Variants in PPEF1 observed in about 807,000 individuals in gnomAD.
PPEF1 encodes the protein serine/threonine-protein phosphatase with EF-hands 1.
In PPEF1, 12 loss-of-function variants were observed where a neutral mutation model predicts 53.3. The observed-to-expected ratio is 0.23, with a 90% CI of 0.14 to 0.36. PPEF1 has a LOEUF of 0.36. PPEF1 is among the 10% of genes least tolerant of loss of function. The pLI, the probability that PPEF1 is intolerant of heterozygous loss-of-function variation, is 1.00. For missense variants in PPEF1, 334 were observed against 490.4 expected (o/e 0.68, Z 3.01); for synonymous variants, 165 against 176.7 (o/e 0.93, Z 0.52).
At chrX:18,814,604 C>T (rs12010607) in intron 12 of PPEF1, among the ~76,000 whole-genome samples, 3,630 of 111,901 alleles carry the variant, frequency 0.032, 147 homozygotes, top group African/African-American at 0.11. Flanking sequence ...TGATGTTGAG[C>T]ATTTTTTCAT....
At chrX:18,745,791 A>T (rs912430117) in intron 3 of PPEF1, among the ~76,000 whole-genome samples, 14 of 112,390 alleles carry the variant, frequency 1.2e-4, no homozygotes, top group Non-Finnish European at 2.4e-4. Flanking sequence ...TCAGGAACAG[A>T]TGTTAAATTT....
At chrX:18,798,632 CT>C (rs765201486) in intron 10 of PPEF1, among the ~76,000 whole-genome samples, 2 of 108,940 alleles carry the variant, frequency 1.8e-5, no homozygotes, top group Non-Finnish European at 3.8e-5. Context: ...CTGAGCACGG[CT>C]TTTTTTTTGA....
intron 5 of PPEF1, among the ~76,000 whole-genome samples, chrX:18,759,846 G>A (rs112923268): frequency 0.02 from 2,254 of 111,554 alleles, 56 homozygotes; most frequent in African/African-American, 0.07. Flanking sequence ...GCAAACTGAG[G>A]GAAAAGTATT....
intron 12 of PPEF1, among the ~76,000 whole-genome samples, chrX:18,810,859 G>A (rs2046791208): frequency 8.9e-6 from 1 of 111,877 alleles, no homozygotes; most frequent in Non-Finnish European, 1.9e-5. Flanking sequence ...GTTTTTGTGT[G>A]TACATGTTTC....
chrX:18,678,352 C>T (rs1259589640), upstream of PPEF1, among the ~76,000 whole-genome samples: 1 of 110,110 alleles, frequency 9.1e-6, no homozygotes, highest in African/African-American at 3.3e-5. Flanking sequence ...GGGAGGATCC[C>T]TTGAGCCTGG....
At chrX:18,733,323 G>A in intron 2 of PPEF1, among the ~76,000 whole-genome samples, 1 of 112,093 alleles carries the variant, frequency 8.9e-6, no homozygotes, top group Non-Finnish European at 1.9e-5. Context: ...TTGAGGGTGT[G>A]TTTTCAGGGA....
exon 1 of PPEF1, chrX:18,675,958 G>GC (rs1270625915): frequency 3.2e-5 from 2 of 61,691 alleles, no homozygotes; most frequent in African/African-American, 6.3e-5. Flanking sequence ...CATTTGGGCG[G>GC]GGGGGGGGGG....
intron 3 of PPEF1, among the ~76,000 whole-genome samples, chrX:18,742,651 G>A (rs745419743): frequency 4.0e-4 from 44 of 110,972 alleles, no homozygotes; most frequent in Non-Finnish European, 7.5e-4. Context: ...TTGAGATCAG[G>A]AGTTCAAGAC....
At chrX:18,691,778 A>G (rs1447371190) in intron 4 of PPEF1, among the ~76,000 whole-genome samples, 3 of 112,130 alleles carry the variant, frequency 2.7e-5, no homozygotes, top group Non-Finnish European at 5.6e-5. Flanking sequence ...TGATAAGCCT[A>G]TTTGGAATTC....
At chrX:18,809,091 ATATCTATC>A (rs58192421) in intron 12 of PPEF1, among the ~76,000 whole-genome samples, 4,371 of 96,750 alleles carry the variant, frequency 0.045, 259 homozygotes, top group African/African-American at 0.17. Context: ...ATATCACATT[ATATCTATC>A]TATCTATCTA....
At chrX:18,815,377 T>G (rs2046884714) in intron 12 of PPEF1, among the ~76,000 whole-genome samples, 1 of 112,222 alleles carries the variant, frequency 8.9e-6, no homozygotes, top group Admixed American at 9.5e-5. Flanking sequence ...TTCCCACCTC[T>G]TCTTTTTGGA....
At chrX:18,825,354 C>G (rs2147770260) in intron 14 of PPEF1, among the ~76,000 whole-genome samples, 1 of 112,037 alleles carries the variant, frequency 8.9e-6, no homozygotes, top group Non-Finnish European at 1.9e-5. Context: ...CAGGCCTTGG[C>G]TTCAGGCAGC....
chrX:18,696,442 T>A (rs1282637315), intron 4 of PPEF1, among the ~76,000 whole-genome samples: 1 of 110,234 alleles, frequency 9.1e-6, no homozygotes, highest in African/African-American at 3.3e-5. Flanking sequence ...TATGAGCCAC[T>A]GCCCCCAGCC....
At chrX:18,726,112 T>A (rs2044699617) in intron 1 of PPEF1, among the ~76,000 whole-genome samples, 2 of 110,637 alleles carry the variant, frequency 1.8e-5, no homozygotes, top group African/African-American at 6.6e-5. Context: ...TCCCAGCATT[T>A]TGGGAGGCTG....
intron 10 of PPEF1, among the ~76,000 whole-genome samples, chrX:18,798,518 G>A (rs1045195155): frequency 8.1e-5 from 9 of 111,640 alleles, no homozygotes; most frequent in East Asian, 2.8e-4. Context: ...CAGGAAGGAC[G>A]TGACCTACTT....
intron 1 of PPEF1, among the ~76,000 whole-genome samples, chrX:18,718,136 C>A (rs1158526959): frequency 8.9e-6 from 1 of 111,973 alleles, no homozygotes; most frequent in East Asian, 2.8e-4. Flanking sequence ...TCCCAACAAC[C>A]TTTTTATTCT....
chrX:18,770,157 T>A (rs1174359254), intron 6 of PPEF1, among the ~76,000 whole-genome samples: 1 of 111,371 alleles, frequency 9.0e-6, no homozygotes, highest in African/African-American at 3.3e-5. Context: ...TTTTATGGCA[T>A]GAGGTTTTGC....
chrX:18,704,364 C>T (rs932785648), upstream of PPEF1, among the ~76,000 whole-genome samples: 1 of 111,496 alleles, frequency 9.0e-6, no homozygotes, highest in African/African-American at 3.3e-5. Flanking sequence ...AAGTTCTCGG[C>T]ATGGTGCACT....
chrX:18,823,083 A>G (rs2047095763), intron 13 of PPEF1, among the ~76,000 whole-genome samples: 2 of 111,775 alleles, frequency 1.8e-5, no homozygotes, highest in Admixed American at 1.9e-4. Context: ...ATCCTGAAAC[A>G]GATTCATGCA....
Sources: allele counts gnomAD v4.1 joint callset (sites outside exome capture counted in the v4.1 genomes callset), GRCh38; gene constraint gnomAD v4.1.1; transcripts MANE v1.5; gene names NCBI Gene and HGNC (gene_info 2026-07-23, HGNC 2026-07-21).